Variants in PRKCA observed in about 807,000 individuals in gnomAD.
PRKCA encodes protein kinase C alpha, also known as protein kinase C alpha type.
Under a neutral mutation model 87.0 loss-of-function variants are expected in PRKCA, and 27 were observed. The ratio of observed to expected loss-of-function variants is 0.31; its 90% CI spans 0.23 to 0.43. PRKCA has a LOEUF of 0.43. PRKCA is among the 20% of genes least tolerant of loss of function. The probability of loss-of-function intolerance (pLI) is 1.00; values close to 1 mark genes in which losing one functional copy is unlikely to be tolerated. For missense variants in PRKCA, 518 were observed against 852.3 expected (o/e 0.61, Z 4.88); for synonymous variants, 329 against 311.1 (o/e 1.06, Z -0.61).
intron 2 of PRKCA, among the ~76,000 whole-genome samples, chr17:66,482,098 C>CAAAAAAAAAAAAAAA (rs58719328): frequency 5.6e-5 from 5 of 89,340 alleles, no homozygotes; most frequent in Non-Finnish European, 8.3e-5. Context: ...AAGACTGTCT[C>CAAAAAAAAAAAAAAA]AAAAAAAAAA....
rs58515241 is a variant in PRKCA, at chr17:66,583,594, CA to C, written c.289-57748del. Among the ~76,000 whole-genome samples, 798 of 133,322 alleles carry C rather than the reference CA, an allele frequency of 6.0e-3. 5 individuals are homozygous for C. Among genetic ancestry groups the C allele is most frequent in the African/African-American group, 0.014 (519 of 37,652 alleles). The allele number at this position is 133,322 out of a possible 152,430, so 87.5% of individuals were successfully genotyped here. A position where few individuals can be genotyped will look rare whatever the true frequency, so the allele number is the denominator to read the frequency against. On this transcript the variant is annotated intron_variant, in intron 3 of 16. Coordinates refer to ENST00000413366, the MANE Select transcript of PRKCA (RefSeq NM_002737.3). The stretch of plus-strand genomic sequence containing the variant: ...TGGGTTAATGTTTAGTTAAATGAAC[CA>C]AAAAAAAAAAAAGTATCACTTTGCT...
In PRKCA at chr17:66,635,014, A is replaced by G. The variant is rs542113250; in HGVS notation, c.289-6341A>G. ...CTGGAAGGTCAGATGAAGGAGAGAA[A>G]TTGTAACTGGTATTGACATCTGGAG... On this transcript the variant is annotated intron_variant, in intron 3 of 16. Coordinates refer to ENST00000413366, the MANE Select transcript of PRKCA (RefSeq NM_002737.3). 4.9e-4 allele frequency among the ~76,000 whole-genome samples: 74 copies of G among 152,312 alleles called. No individual in the cohort carries two copies. In the South Asian group the frequency reaches 0.014, roughly 29 times the overall value.
chr17:66,408,744 A>G (rs16959206), intron 2 of PRKCA, among the ~76,000 whole-genome samples: 18,763 of 152,114 alleles, frequency 0.12, 1,493 homozygotes, highest in East Asian at 0.28. Flanking sequence ...TGGGAAGTAT[A>G]GCACTTTTGA....
intron 13 of PRKCA, among the ~76,000 whole-genome samples, chr17:66,750,869 A>G (rs1314390431): frequency 6.6e-6 from 1 of 152,204 alleles, no homozygotes; most frequent in Admixed American, 6.5e-5. Flanking sequence ...AGGACTGAGC[A>G]GCTTTTCCCT....
intron 2 of PRKCA, among the ~76,000 whole-genome samples, chr17:66,371,920 A>C (rs1238282520): frequency 6.6e-6 from 1 of 152,208 alleles, no homozygotes; most frequent in Non-Finnish European, 1.5e-5. Context: ...TTTTTGTTAA[A>C]TTGAACTGAA....
chr17:66,475,537 A>G (rs753718308), intron 2 of PRKCA, among the ~76,000 whole-genome samples: 44 of 152,072 alleles, frequency 2.9e-4, no homozygotes, highest in Non-Finnish European at 4.0e-4. Context: ...CAGGATGTGT[A>G]CTGTCTTTCC....
intron 3 of PRKCA, among the ~76,000 whole-genome samples, chr17:66,588,782 A>C (rs1046278562): frequency 3.3e-5 from 5 of 151,494 alleles, no homozygotes; most frequent in Admixed American, 1.3e-4. Flanking sequence ...CTGGGATTAC[A>C]GGCACCCACC....
intron 2 of PRKCA, among the ~76,000 whole-genome samples, chr17:66,334,563 T>A (rs1906542941): frequency 6.6e-6 from 1 of 152,152 alleles, no homozygotes; most frequent in Non-Finnish European, 1.5e-5. Context: ...AAGACCACAA[T>A]GAGATACTGT....
At chr17:66,419,695 T>C (rs1295669098) in intron 2 of PRKCA, among the ~76,000 whole-genome samples, 1 of 152,144 alleles carries the variant, frequency 6.6e-6, no homozygotes, top group Non-Finnish European at 1.5e-5. Flanking sequence ...ACACTCCGCA[T>C]GAGAAAAACG....
intron 2 of PRKCA, among the ~76,000 whole-genome samples, chr17:66,357,830 A>G (rs1908153176): frequency 6.6e-6 from 1 of 152,078 alleles, no homozygotes; most frequent in African/African-American, 2.4e-5. Context: ...AGGAACACAG[A>G]CTCATACTAG....
At chr17:66,319,852 C>G (rs536590182) in intron 2 of PRKCA, among the ~76,000 whole-genome samples, 1 of 152,122 alleles carries the variant, frequency 6.6e-6, no homozygotes, top group Admixed American at 6.5e-5. Flanking sequence ...AGGGATTCTC[C>G]TGCCTCAGCC....
chr17:66,364,700 T>C (rs1165292251), intron 2 of PRKCA, among the ~76,000 whole-genome samples: 7 of 152,136 alleles, frequency 4.6e-5, no homozygotes, highest in African/African-American at 1.7e-4. Context: ...TCGCCTGATT[T>C]GGGGTTTCCA....
In PRKCA at chr17:66,627,273, T is replaced by C. The variant is rs554751115; in HGVS notation, c.289-14082T>C. Among the ~76,000 whole-genome samples, 35 of 152,258 alleles carry C rather than the reference T, an allele frequency of 2.3e-4. No individual in the cohort carries two copies. In the East Asian group the frequency reaches 6.4e-3, roughly 28 times the overall value. On this transcript the variant is annotated intron_variant, in intron 3 of 16. Transcript: ENST00000413366. ...CATGCCAGTGGGTTAAGATGTAGGA[T>C]TGGAAGTCTCTGATGCTGTCCTGGG... is the stretch of plus-strand genomic sequence containing the variant.
Position 66,645,415 on chromosome 17 carries a change from A to G in PRKCA, c.433A>G (p.Ile145Val), listed in dbSNP as rs1459780030. Reference sequence around the variant, plus strand: ...TATGAACGTTCACAAGCAATGCGTCATCAATGTCCCCAGCCTCTGCGGAAT... The same window carrying G: ...TATGAACGTTCACAAGCAATGCGTCGTCAATGTCCCCAGCCTCTGCGGAAT... ...CDMNVHKQCV[I>V]NVPSLCGMDH... Residue 145 changes from isoleucine (I) to valine (V), a missense_variant, in exon 5 of 17, where the codon ATC becomes GTC. Transcript: ENST00000413366. The G allele has an allele frequency of 1.2e-6, 2 of 1,614,214 alleles. No individual in the cohort carries two copies. Among genetic ancestry groups the G allele is most frequent in the Non-Finnish European group, 1.7e-6 (2 of 1,180,044 alleles).
At chr17:66,462,917 C>A (rs1914914861) in intron 2 of PRKCA, among the ~76,000 whole-genome samples, 1 of 139,790 alleles carries the variant, frequency 7.2e-6, no homozygotes, top group South Asian at 2.3e-4. Context: ...TGCACGTGCA[C>A]ACATGCAAAC....
chr17:66,757,518 G>A (rs536916408), intron 13 of PRKCA, among the ~76,000 whole-genome samples: 36 of 143,586 alleles, frequency 2.5e-4, no homozygotes, highest in Admixed American at 5.0e-4. Flanking sequence ...AAAGCAACAC[G>A]TTACCTAAAG....
At chr17:66,439,291 C>A (rs1388943340) in intron 2 of PRKCA, among the ~76,000 whole-genome samples, 1 of 152,140 alleles carries the variant, frequency 6.6e-6, no homozygotes, top group African/African-American at 2.4e-5. Context: ...AGTGACTCTT[C>A]TGCCTCAGCC....
chr17:66,665,003 C>G (rs1972007735), intron 5 of PRKCA, among the ~76,000 whole-genome samples: 1 of 152,142 alleles, frequency 6.6e-6, no homozygotes, highest in South Asian at 2.1e-4. Context: ...GTGCTGGTTC[C>G]ATGAACCCAG....
At chr17:66,660,030 C>T (rs1281330248) in intron 5 of PRKCA, among the ~76,000 whole-genome samples, 1 of 151,848 alleles carries the variant, frequency 6.6e-6, no homozygotes, top group Non-Finnish European at 1.5e-5. Flanking sequence ...GCTGGGGAGG[C>T]GGTGTGCCAC....
Sources: allele counts gnomAD v4.1 joint callset (sites outside exome capture counted in the v4.1 genomes callset), GRCh38; gene constraint gnomAD v4.1.1; transcripts MANE v1.5; gene names NCBI Gene and HGNC (gene_info 2026-07-23, HGNC 2026-07-21).